The following WASF1 variants were observed in gnomAD, a reference collection of about 807,000 sequenced individuals.
WASF1 encodes WASP family member 1, also known as actin-binding protein WASF1.
WASF1 carries 7 observed loss-of-function variants against 50.5 expected under a neutral mutation model. The ratio of observed to expected loss-of-function variants is 0.14; its 90% CI spans 0.08 to 0.26. WASF1 has a LOEUF of 0.26. Among genes scored for constraint, WASF1 ranks in the 10% least tolerant of loss-of-function variants. The pLI is 1.00. For missense variants in WASF1, 470 were observed against 694.7 expected, an observed-to-expected ratio of 0.68 and a Z score of 3.64; for synonymous variants, 205 against 244.0, an observed-to-expected ratio of 0.84 and a Z score of 1.49.
chr6:110,154,758 G>T (rs895732015), intron 3 of WASF1, among the ~76,000 whole-genome samples: 1 of 151,790 alleles, frequency 6.6e-6, no homozygotes. Flanking sequence ...ATATTGCAAC[G>T]GAGTCATTTG....
At chr6:110,127,189 C>T (rs914529202) in intron 4 of WASF1, among the ~76,000 whole-genome samples, 8 of 152,118 alleles carry the variant, frequency 5.3e-5, no homozygotes, top group African/African-American at 9.7e-5. Flanking sequence ...CTGGTCCTTT[C>T]GCAGATTATA....
chr6:110,131,094 G>A (rs566759264), intron 3 of WASF1, among the ~76,000 whole-genome samples: 2 of 152,132 alleles, frequency 1.3e-5, no homozygotes, highest in South Asian at 4.2e-4. Context: ...ATAGGTGATG[G>A]GAATCTCTTC....
At chr6:110,121,546 G>A (rs1290652582) in intron 4 of WASF1, among the ~76,000 whole-genome samples, 2 of 152,204 alleles carry the variant, frequency 1.3e-5, no homozygotes, top group African/African-American at 2.4e-5. Flanking sequence ...AGATGCTGGA[G>A]AGGATGTGGA....
chr6:110,141,453 T>C (rs1231810427), intron 3 of WASF1, among the ~76,000 whole-genome samples: 1 of 152,188 alleles, frequency 6.6e-6, no homozygotes, highest in Non-Finnish European at 1.5e-5. Context: ...GAAGACTAAC[T>C]GAATCCCCCA....
intron 2 of WASF1, among the ~76,000 whole-genome samples, chr6:110,163,706 G>C (rs943867043): frequency 6.6e-6 from 1 of 151,536 alleles, no homozygotes; most frequent in Non-Finnish European, 1.5e-5. Flanking sequence ...ATTCCAGCAA[G>C]TTATTTTGTG....
intron 5 of WASF1, 126 bp downstream of exon 5, chr6:110,113,200 A>G (rs1358860150): frequency 3.6e-6 from 3 of 825,440 alleles, no homozygotes; most frequent in Admixed American, 4.3e-5. Context: ...ATTTATTACA[A>G]TATGTACACC....
At chr6:110,144,177 T>C (rs1775415302) in intron 3 of WASF1, among the ~76,000 whole-genome samples, 2 of 152,242 alleles carry the variant, frequency 1.3e-5, no homozygotes, top group Admixed American at 1.3e-4. Flanking sequence ...AGATGGTATC[T>C]CACTGTGGTT....
At position 110,167,179 on chromosome 6, in the gene WASF1, C is replaced by T. The variant is rs374577657; in HGVS notation, c.-126-6447G>A. Among the ~76,000 whole-genome samples, 107 of 151,882 alleles carry T rather than the reference C, an allele frequency of 7.0e-4. 3 individuals are homozygous for T. In the South Asian group the frequency reaches 0.017, roughly 24 times the overall value. ...ACTGGAAAAAAAAACCCTACTGTGC[C>T]GCCAGTTACATAAAAGTATAGTTAC... is the stretch of plus-strand genomic sequence containing the variant. On this transcript the variant is annotated intron_variant, in intron 2 of 10. Coordinates refer to ENST00000392589, the MANE Select transcript of WASF1 (RefSeq NM_003931.3).
Position 110,136,976 on chromosome 6 carries a change from G to C in WASF1, c.-28-9347C>G, listed in dbSNP as rs187774224. ...TTCCTTATGACACTTGTCTCAGTTT[G>C]TAATTATGTATCTTCATGATTGATT... On this transcript the variant is annotated intron_variant, in intron 3 of 10. Transcript: ENST00000392589. Among the ~76,000 whole-genome samples the C allele has an allele frequency of 4.0e-4, 61 of 152,240 alleles. No individual in the cohort carries two copies. In the East Asian group the frequency reaches 5.0e-3, roughly 13 times the overall value.
chr6:110,124,274 C>CTCTCTCTCTATATA (rs1331534646), intron 4 of WASF1, among the ~76,000 whole-genome samples: 4 of 20,504 alleles, frequency 2.0e-4, no homozygotes, highest in African/African-American at 5.4e-4. Context: ...CTCTCTCTCT[C>CTCTCTCTCTATATA]TATATATATA....
intron 2 of WASF1, among the ~76,000 whole-genome samples, chr6:110,161,596 C>T (rs1220334507): frequency 1.3e-5 from 2 of 151,478 alleles, no homozygotes; most frequent in African/African-American, 4.8e-5. Flanking sequence ...ATTATGTTTT[C>T]CCTGAAGAAA....
chr6:110,118,317 A>C (rs1164085136), intron 4 of WASF1, among the ~76,000 whole-genome samples: 1 of 144,136 alleles, frequency 6.9e-6, no homozygotes, highest in South Asian at 2.3e-4. Flanking sequence ...AATAAAGGGA[A>C]AGAGGAAGAT....
rs1280863671 is a variant in WASF1, at chr6:110,099,926, C to T, written c.*596G>A. 1 of 152,536 alleles carries T rather than the reference C, an allele frequency of 6.6e-6. No homozygotes were observed. Among genetic ancestry groups the T allele is most frequent in the Non-Finnish European group, 1.5e-5 (1 of 68,012 alleles). 9.4% of individuals were successfully genotyped at this position (152,536 alleles called of 1,614,324 possible). A position where few individuals can be genotyped will look rare whatever the true frequency, so the allele number is the denominator to read the frequency against. The stretch of plus-strand genomic sequence containing the variant: ...TTTCACATGGAAAAGTTTTTAACTC[C>T]TATAGGCAAGCAAAATCATATCACA... On this transcript the variant is annotated 3_prime_UTR_variant, in exon 11 of 11. Coordinates refer to ENST00000392589, the MANE Select transcript of WASF1 (RefSeq NM_003931.3).
At chr6:110,113,779 C>T (rs535874612) in intron 4 of WASF1, among the ~76,000 whole-genome samples, 14 of 151,816 alleles carry the variant, frequency 9.2e-5, no homozygotes, top group African/African-American at 3.4e-4. Flanking sequence ...CCTAAAAATA[C>T]TAAAAATTTT....
chr6:110,117,191 A>C (rs2052639060), intron 4 of WASF1, among the ~76,000 whole-genome samples: 1 of 152,220 alleles, frequency 6.6e-6, no homozygotes, highest in Non-Finnish European at 1.5e-5. Flanking sequence ...TAGGCTTCAC[A>C]AGGTTGGTAA....
chr6:110,154,563 T>C (rs1775971924), intron 3 of WASF1, among the ~76,000 whole-genome samples: 1 of 152,042 alleles, frequency 6.6e-6, no homozygotes, highest in Non-Finnish European at 1.5e-5. Context: ...GCATAAAAAT[T>C]GTTGTTCCCT....
In WASF1 at chr6:110,100,513, G is replaced by A; in HGVS notation, c.*9C>T. 6.2e-7 allele frequency: 1 copy of A among 1,603,954 alleles called. No individual in the cohort carries two copies. Among genetic ancestry groups the A allele is most frequent in the Non-Finnish European group, 8.5e-7 (1 of 1,174,244 alleles). ...ATTCAGTTTTGTAATATTTATCAAT[G>A]CATTTTTCTTACTCCAACCAATCTA... On this transcript the variant is annotated 3_prime_UTR_variant, in exon 11 of 11. Coordinates refer to ENST00000392589, the MANE Select transcript of WASF1 (RefSeq NM_003931.3).
intron 2 of WASF1, among the ~76,000 whole-genome samples, chr6:110,172,446 T>G (rs536385150): frequency 2.0e-5 from 3 of 152,226 alleles, no homozygotes; most frequent in African/African-American, 7.2e-5. Context: ...AAATTTGTAG[T>G]TGTGTATTAT....
At chr6:110,143,793 T>C (rs929270021) in intron 3 of WASF1, among the ~76,000 whole-genome samples, 1 of 152,132 alleles carries the variant, frequency 6.6e-6, no homozygotes, top group East Asian at 1.9e-4. Context: ...CATTTAAAGG[T>C]GTTTCAGTAT....
Sources: allele counts gnomAD v4.1 joint callset (sites outside exome capture counted in the v4.1 genomes callset), GRCh38; gene constraint gnomAD v4.1.1; transcripts MANE v1.5; gene names NCBI Gene and HGNC (gene_info 2026-07-23, HGNC 2026-07-21).